POU2F2: variants seen among roughly 807,000 people sequenced by gnomAD.
The protein encoded by POU2F2 is POU domain, class 2, transcription factor 2.
POU2F2 carries 14 observed loss-of-function variants against 63.5 expected under a neutral mutation model. The observed-to-expected ratio is 0.22, with a 90% CI of 0.15 to 0.34. The LOEUF is 0.34. POU2F2 is among the 10% of genes least tolerant of loss of function. The pLI, the probability that POU2F2 is intolerant of heterozygous loss-of-function variation, is 1.00. For missense variants in POU2F2, 607 were observed against 815.2 expected, an observed-to-expected ratio of 0.74 and a Z score of 3.11; for synonymous variants, 306 against 348.6, an observed-to-expected ratio of 0.88 and a Z score of 1.36.
intron 5 of POU2F2, chr19:42,116,882 C>T (rs751482402): frequency 5.4e-5 from 25 of 459,940 alleles, no homozygotes; most frequent in Non-Finnish European, 7.7e-5. Context: ...GCGGAGGCGG[C>T]GGCGGCGGCG....
At chr19:42,103,592 A>T (rs530232580) in intron 5 of POU2F2, among the ~76,000 whole-genome samples, 1 of 152,086 alleles carries the variant, frequency 6.6e-6, no homozygotes, top group South Asian at 2.1e-4. Context: ...CAAACTGGGA[A>T]AATATATAAG....
intron 1 of POU2F2, among the ~76,000 whole-genome samples, chr19:42,189,845 CCT>C (rs1480597603): frequency 1.3e-5 from 2 of 152,164 alleles, no homozygotes; most frequent in African/African-American, 4.8e-5. Context: ...CCCTCAGCCC[CCT>C]GAGTAGCTGG....
At position 42,093,875 on chromosome 19, in the gene POU2F2, C is replaced by G. The variant is rs2076825521; in HGVS notation, c.1218G>C (p.Ala406=). The change falls in exon 12 of 15, where the codon GCG becomes GCC. Residue 406 remains alanine, a synonymous_variant. Coordinates refer to ENST00000692977, the MANE Select transcript of POU2F2 (RefSeq NM_001394376.1). ...SPHMVTPQGG[A]GTLPLSQASS... ...AAGCTTGGGACAACGGTAAGGTCCC[C>G]GCGCCCCCTTGGGGTGTGACCTGAG... is the stretch of plus-strand genomic sequence containing the variant. The G allele has an allele frequency of 6.2e-7, 1 of 1,611,852 alleles. No individual in the cohort carries two copies. Among genetic ancestry groups the G allele is most frequent in the African/African-American group, 1.3e-5 (1 of 74,920 alleles).
At chr19:42,197,763 A>T (rs1039574236), upstream of POU2F2, among the ~76,000 whole-genome samples, 2 of 152,154 alleles carry the variant, frequency 1.3e-5, no homozygotes, top group Admixed American at 1.3e-4. Flanking sequence ...ACCAGTGGGG[A>T]GCCACGTGGA....
Position 42,092,170 on chromosome 19 carries a change from G to C in POU2F2, c.1365C>G (p.Pro455=), listed in dbSNP as rs749191170. Residue 455 remains proline (P), a synonymous_variant, in exon 13 of 15, where the codon CCC becomes CCG. Coordinates refer to ENST00000692977, the MANE Select transcript of POU2F2 (RefSeq NM_001394376.1). This position sits in a 1 kb window ranked among gnomAD's most constrained non-coding sequence, Gnocchi z 5.0. The part of the protein sequence containing the change: ...GGAAPPLNSI[P]SVTPPPPATT... ...TGGCCGGGGGTGGGGGAGTGACAGAGGGGATGGAATTGAGGGGGGGCGCAG... is the reference window on the plus strand; with the variant it reads ...TGGCCGGGGGTGGGGGAGTGACAGACGGGATGGAATTGAGGGGGGGCGCAG... The C allele has an allele frequency of 6.3e-7, 1 of 1,581,510 alleles. No homozygotes were observed. Among genetic ancestry groups the C allele is most frequent in the South Asian group, 1.2e-5 (1 of 85,568 alleles).
At chr19:42,120,592 C>T (rs928870467) in intron 4 of POU2F2, among the ~76,000 whole-genome samples, 6 of 152,130 alleles carry the variant, frequency 3.9e-5, no homozygotes, top group African/African-American at 7.2e-5. Flanking sequence ...TTAGACCCTT[C>T]GGCACACAAG....
upstream of POU2F2, chr19:42,177,260 C>A: frequency 6.4e-6 from 1 of 155,360 alleles, no homozygotes; most frequent in South Asian, 1.8e-4. Flanking sequence ...CCCCCGCTCC[C>A]GCTCCCGCTC....
In POU2F2 at chr19:42,088,811, G is replaced by C. The variant is rs941524870; in HGVS notation, c.*2446C>G. ...CATTCCGGTGAGGTTGGGTAGACGA[G>C]GTGCCAGGCCCCATCGTGCCGGGGT... On this transcript the variant is annotated 3_prime_UTR_variant, in exon 15 of 15. Coordinates refer to ENST00000692977, the MANE Select transcript of POU2F2 (RefSeq NM_001394376.1). 2 of 152,558 alleles carry C rather than the reference G, an allele frequency of 1.3e-5. No individual in the cohort carries two copies. The highest frequency in any genetic ancestry group is 4.8e-5 in the African/African-American group (2 of 41,386). 9.5% of individuals were successfully genotyped at this position (152,558 alleles called of 1,614,324 possible).
Position 42,087,066 on chromosome 19 carries a change from T to A in POU2F2, c.*4191A>T, listed in dbSNP as rs199950294. 40 of 151,960 alleles carry A rather than the reference T, an allele frequency of 2.6e-4. No homozygotes were observed. The highest frequency in any genetic ancestry group is 1.9e-3 in the East Asian group (10 of 5,190). 9.4% of individuals were successfully genotyped at this position (151,960 alleles called of 1,614,324 possible). A position where few individuals can be genotyped will look rare whatever the true frequency, so the allele number is the denominator to read the frequency against. On this transcript the variant is annotated 3_prime_UTR_variant, in exon 15 of 15. Transcript: ENST00000692977. ...TGCGGCTTGGAGTTTTTGTGTATTTTTTTTTATTTTTATTTTTAATTTTTT... is the reference window on the plus strand; with the variant it reads ...TGCGGCTTGGAGTTTTTGTGTATTTATTTTTATTTTTATTTTTAATTTTTT...
chr19:42,120,997 A>G (rs2032542314), intron 4 of POU2F2, among the ~76,000 whole-genome samples: 1 of 152,212 alleles, frequency 6.6e-6, no homozygotes, highest in Non-Finnish European at 1.5e-5. Context: ...CCAGAGAAAC[A>G]GGGCGTACAG....
upstream of POU2F2, chr19:42,132,869 A>G (rs1291645107): frequency 6.1e-6 from 1 of 164,928 alleles, no homozygotes; most frequent in Admixed American, 6.4e-5. Context: ...TGCCATCTCC[A>G]ATGTGGTGGT....
At chr19:42,158,889 G>A (rs975336455) in intron 2 of POU2F2, among the ~76,000 whole-genome samples, 17 of 151,378 alleles carry the variant, frequency 1.1e-4, no homozygotes, top group Admixed American at 1.1e-3. Context: ...TTTCGAGGAT[G>A]TGAGGATTCC....
chr19:42,099,278 T>A lies in POU2F2; in HGVS notation c.567+249A>T. 7 of 483,894 alleles carry A rather than the reference T, an allele frequency of 1.4e-5. No individual in the cohort carries two copies. The South Asian group carries it at 1.7e-4, about 12-fold the overall frequency. The allele number at this position is 483,894 out of a possible 1,614,324, so 30.0% of individuals were successfully genotyped here. ...ATCAGATCTAAATCTTTCATCATAT[T>A]CTCAAAGGAGCTCATGTACTAGAAA... On this transcript the variant is annotated intron_variant, in intron 7 of 14. Coordinates refer to ENST00000692977, the MANE Select transcript of POU2F2 (RefSeq NM_001394376.1).
chr19:42,161,860 C>T (rs1324366134), intron 1 of POU2F2, among the ~76,000 whole-genome samples: 2 of 152,352 alleles, frequency 1.3e-5, no homozygotes, highest in South Asian at 2.1e-4. Flanking sequence ...TGGAGCTAAT[C>T]AGCGGCTGTC....
At chr19:42,116,744 G>C (rs774903316) in intron 5 of POU2F2, 2 of 351,596 alleles carry the variant, frequency 5.7e-6, no homozygotes, top group Non-Finnish European at 1.1e-5. Context: ...GACAAGGTGA[G>C]CTGTGGGGTC....
upstream of POU2F2, chr19:42,134,592 G>C (rs972996339): frequency 6.6e-6 from 1 of 152,518 alleles, no homozygotes; most frequent in Non-Finnish European, 1.5e-5. Flanking sequence ...AGGGGGAGAT[G>C]GTGGCCTCGT....
At chr19:42,140,740 G>C (rs1412373340) in intron 2 of POU2F2, among the ~76,000 whole-genome samples, 1 of 152,206 alleles carries the variant, frequency 6.6e-6, no homozygotes, top group Non-Finnish European at 1.5e-5. Flanking sequence ...TCTGAAGACA[G>C]GTGTCCTTTT....
intron 4 of POU2F2, among the ~76,000 whole-genome samples, chr19:42,121,192 T>A (rs536889709): frequency 6.6e-6 from 1 of 152,000 alleles, no homozygotes; most frequent in African/African-American, 2.4e-5. Context: ...GCTAAGGCAA[T>A]AGCCAAACCT....
chr19:42,116,186 T>A (rs2031836041), intron 5 of POU2F2, among the ~76,000 whole-genome samples: 1 of 152,208 alleles, frequency 6.6e-6, no homozygotes, highest in African/African-American at 2.4e-5. Context: ...CACTAATTCA[T>A]GATTAACTAT....
Sources: gnomAD v4.1 joint callset for allele counts (sites outside exome capture counted in the v4.1 genomes callset) on GRCh38, gnomAD v4.1.1 for gene constraint, Gnocchi (gnomAD v3.1) non-coding constraint, MANE v1.5 for transcripts, NCBI Gene and HGNC (gene_info 2026-07-23, HGNC 2026-07-21) for gene names.